The following CNTN6 variants were observed in gnomAD, a reference collection of about 807,000 sequenced individuals.
CNTN6 encodes the protein contactin 6.
A neutral mutation model predicts 122.8 loss-of-function variants in CNTN6; 137 were observed. That is an observed-to-expected ratio of 1.12 (90% CI 0.97 to 1.29). The LOEUF (loss-of-function observed/expected upper bound fraction) is 1.29, where lower values mean the gene tolerates loss of function less well. Ranked by LOEUF, CNTN6 falls within the 50% of genes most tolerant of loss-of-function variation. The pLI is 0.00. For missense variants in CNTN6, 1,634 were observed against 1,223.4 expected (o/e 1.34, Z -5.01); for synonymous variants, 570 against 426.0 (o/e 1.34, Z -4.16).
At chr3:1,272,909 A>C (rs189723462) in intron 4 of CNTN6, among the ~76,000 whole-genome samples, 1 of 152,310 alleles carries the variant, frequency 6.6e-6, no homozygotes, top group East Asian at 1.9e-4. Context: ...CTGAACCTTA[A>C]TTTTAAGTAC....
chr3:1,225,304 A>T (rs2094266219), intron 3 of CNTN6, among the ~76,000 whole-genome samples: 1 of 152,200 alleles, frequency 6.6e-6, no homozygotes, highest in South Asian at 2.1e-4. Context: ...TGATTTAGAC[A>T]TATTAATTAG....
intron 5 of CNTN6, among the ~76,000 whole-genome samples, chr3:1,284,305 A>C (rs1040671811): frequency 6.6e-6 from 1 of 151,366 alleles, no homozygotes; most frequent in African/African-American, 2.5e-5. Context: ...AAAATTATGT[A>C]GAGAAAAAAG....
chr3:1,241,093 C>A (rs1441545597), intron 4 of CNTN6, among the ~76,000 whole-genome samples: 1 of 151,940 alleles, frequency 6.6e-6, no homozygotes, highest in African/African-American at 2.4e-5. Context: ...TAGGATGGGG[C>A]AGGAACAAAT....
chr3:1,247,535 G>T (rs2094599423), intron 4 of CNTN6, among the ~76,000 whole-genome samples: 1 of 152,078 alleles, frequency 6.6e-6, no homozygotes, highest in East Asian at 1.9e-4. Flanking sequence ...AAAAATTCAT[G>T]CCATGAGATC....
chr3:1,121,605 A>G (rs2091952552), intron 1 of CNTN6, among the ~76,000 whole-genome samples: 1 of 151,912 alleles, frequency 6.6e-6, no homozygotes, highest in African/African-American at 2.4e-5. Flanking sequence ...TATAGTCAGA[A>G]TGTTTATATA....
chr3:1,153,710 T>C (rs148762342), intron 2 of CNTN6, among the ~76,000 whole-genome samples: 134 of 152,302 alleles, frequency 8.8e-4, no homozygotes, highest in African/African-American at 3.0e-3. Flanking sequence ...CATAGCCTTT[T>C]ATTGAATTGA....
chr3:1,097,229 G>C (rs2090576986), intron 1 of CNTN6, among the ~76,000 whole-genome samples: 1 of 152,170 alleles, frequency 6.6e-6, no homozygotes, highest in African/African-American at 2.4e-5. Context: ...GATGAAGTCT[G>C]TGGCCTACTT....
At chr3:1,362,279 C>T (rs903842801) in intron 12 of CNTN6, among the ~76,000 whole-genome samples, 2 of 151,976 alleles carry the variant, frequency 1.3e-5, no homozygotes, top group African/African-American at 2.4e-5. Flanking sequence ...TTCAATAAAA[C>T]GTTACTAGGA....
At chr3:1,138,849 T>C (rs1022310676) in intron 1 of CNTN6, among the ~76,000 whole-genome samples, 1 of 151,972 alleles carries the variant, frequency 6.6e-6, no homozygotes, top group South Asian at 2.1e-4. Flanking sequence ...TATAATTATA[T>C]GTTATATCTA....
Position 1,372,367 on chromosome 3 carries a change from T to A in CNTN6, c.1561T>A (p.Cys521Ser). ...VTVGESIVLP[C>S]QVSHDPSIEV... ...AGTTGGCGAGAGTATAGTGCTACCATGCCAGGTGTCCCATGACCCCTCCAT... is the reference window on the plus strand; with the variant it reads ...AGTTGGCGAGAGTATAGTGCTACCAAGCCAGGTGTCCCATGACCCCTCCAT... The change falls in exon 13 of 23, where the codon TGC becomes AGC. Residue 521 changes from cysteine (C) to serine (S), a missense_variant. By Grantham distance (112) the Cys-to-Ser change is moderately radical. Coordinates refer to ENST00000446702, the MANE Select transcript of CNTN6 (RefSeq NM_001289080.2). The A allele has an allele frequency of 6.2e-7, 1 of 1,613,574 alleles. No homozygotes were observed. The highest frequency in any genetic ancestry group is 8.5e-7 in the Non-Finnish European group (1 of 1,179,598).
intron 4 of CNTN6, among the ~76,000 whole-genome samples, chr3:1,245,205 T>TAAC (rs1409141224): frequency 3.9e-4 from 3 of 7,642 alleles, no homozygotes; most frequent in African/African-American, 1.6e-3. Flanking sequence ...GTGATATATA[T>TAAC]ATATATATAT....
intron 7 of CNTN6, among the ~76,000 whole-genome samples, chr3:1,317,385 C>T (rs1432166581): frequency 6.6e-6 from 1 of 151,654 alleles, no homozygotes; most frequent in African/African-American, 2.4e-5. Context: ...TTTGTCAGGT[C>T]TGTTCTGGAT....
intron 2 of CNTN6, among the ~76,000 whole-genome samples, chr3:1,185,317 C>T (rs1371337493): frequency 6.6e-6 from 1 of 152,002 alleles, no homozygotes; most frequent in Non-Finnish European, 1.5e-5. Context: ...ATTTCTTCCA[C>T]AGTGAAATTG....
intron 17 of CNTN6, among the ~76,000 whole-genome samples, chr3:1,381,292 A>AAAAAG (rs1475379521): frequency 2.0e-5 from 3 of 152,082 alleles, no homozygotes; most frequent in Non-Finnish European, 4.4e-5. Flanking sequence ...TCTCCCTATG[A>AAAAAG]AAAAGAAGAG....
intron 7 of CNTN6, among the ~76,000 whole-genome samples, chr3:1,298,772 T>A (rs1696715342): frequency 6.6e-6 from 1 of 152,136 alleles, no homozygotes; most frequent in African/African-American, 2.4e-5. Flanking sequence ...AGGGTGATGT[T>A]TGATTCCTCC....
intron 1 of CNTN6, among the ~76,000 whole-genome samples, chr3:1,127,116 T>C (rs935860138): frequency 2.6e-5 from 4 of 151,838 alleles, no homozygotes; most frequent in Admixed American, 2.6e-4. Flanking sequence ...CATGCTTCTG[T>C]AAAAGTGTTT....
chr3:1,130,886 C>T (rs535802013), intron 1 of CNTN6, among the ~76,000 whole-genome samples: 1 of 152,092 alleles, frequency 6.6e-6, no homozygotes, highest in African/African-American at 2.4e-5. Context: ...CTAAGTGTTG[C>T]AAGAAGTCCA....
intron 5 of CNTN6, among the ~76,000 whole-genome samples, chr3:1,294,989 A>G (rs1695963871): frequency 6.6e-6 from 1 of 152,168 alleles, no homozygotes; most frequent in Non-Finnish European, 1.5e-5. Flanking sequence ...GCAGTGGCTC[A>G]TGCCTGTAAT....
chr3:1,283,426 C>G (rs939683686), intron 5 of CNTN6, among the ~76,000 whole-genome samples: 3 of 152,070 alleles, frequency 2.0e-5, no homozygotes, highest in Non-Finnish European at 4.4e-5. Flanking sequence ...AATGTCGGCA[C>G]AAACTATCTG....
Sources: gnomAD v4.1 joint callset for allele counts (sites outside exome capture counted in the v4.1 genomes callset) on GRCh38, gnomAD v4.1.1 for gene constraint, MANE v1.5 for transcripts, NCBI Gene and HGNC (gene_info 2026-07-23, HGNC 2026-07-21) for gene names.